FSTL4: variants seen among roughly 807,000 people sequenced by gnomAD.
FSTL4 encodes the protein follistatin-related protein 4.
A neutral mutation model predicts 78.2 loss-of-function variants in FSTL4; 28 were observed. The observed-to-expected ratio is 0.36, with a 90% CI of 0.27 to 0.49. FSTL4 has a LOEUF of 0.49. Ranked by LOEUF, FSTL4 falls within the 20% of genes least tolerant of loss-of-function variation. FSTL4 has a pLI of 0.98. For synonymous variants in FSTL4, 422 were observed against 440.5 expected (o/e 0.96, Z 0.53); for missense variants, 922 against 1,084.9 (o/e 0.85, Z 2.11).
chr5:133,258,272 C>T (rs185332867), intron 6 of FSTL4, among the ~76,000 whole-genome samples: 2 of 152,256 alleles, frequency 1.3e-5, no homozygotes, highest in South Asian at 2.1e-4. Flanking sequence ...CCACAAGGCA[C>T]CCAGATATTT....
the FSTL4 span, among the ~76,000 whole-genome samples, chr5:133,681,777 G>T: frequency 3.9e-5 from 6 of 152,158 alleles, no homozygotes; most frequent in Non-Finnish European, 2.9e-5. Context: ...ATCAGAGCAG[G>T]GTGGGCCTGG....
chr5:133,331,618 T>C (rs1427933457), intron 4 of FSTL4, among the ~76,000 whole-genome samples: 1 of 152,088 alleles, frequency 6.6e-6, no homozygotes, highest in African/African-American at 2.4e-5. Flanking sequence ...TGGCAGGAAA[T>C]GGCATTTCAG....
the FSTL4 span, among the ~76,000 whole-genome samples, chr5:133,829,072 G>C: frequency 6.6e-6 from 1 of 152,166 alleles, no homozygotes; most frequent in African/African-American, 2.4e-5. Flanking sequence ...AATCCTCAGA[G>C]GGATTGCTCA....
the FSTL4 span, among the ~76,000 whole-genome samples, chr5:133,805,028 C>G: frequency 2.0e-4 from 30 of 151,904 alleles, no homozygotes; most frequent in Middle Eastern, 3.4e-3. Flanking sequence ...TGCCACCTCT[C>G]TCTTAGCCCC....
intron 3 of FSTL4, among the ~76,000 whole-genome samples, chr5:133,509,662 C>G (rs1284777986): frequency 6.6e-6 from 1 of 152,258 alleles, no homozygotes; most frequent in East Asian, 1.9e-4. Flanking sequence ...TTCATAACAA[C>G]AGAGTCCTTC....
the FSTL4 span, among the ~76,000 whole-genome samples, chr5:133,812,250 C>T: frequency 6.6e-6 from 1 of 152,238 alleles, no homozygotes. Context: ...GGTCTTCCTG[C>T]TTCCAGACTT....
intron 3 of FSTL4, among the ~76,000 whole-genome samples, chr5:133,463,383 A>T (rs1024291258): frequency 3.3e-5 from 5 of 152,106 alleles, no homozygotes; most frequent in Admixed American, 1.3e-4. Context: ...ACACCAAACT[A>T]AGCCCTCTTG....
chr5:133,656,958 G>C, the FSTL4 span, among the ~76,000 whole-genome samples: 3 of 152,182 alleles, frequency 2.0e-5, no homozygotes, highest in Admixed American at 2.0e-4. Context: ...CTGTTGGTAA[G>C]AATTAATGAT....
intron 6 of FSTL4, among the ~76,000 whole-genome samples, chr5:133,271,895 G>A (rs145311950): frequency 6.6e-6 from 1 of 152,328 alleles, no homozygotes; most frequent in Non-Finnish European, 1.5e-5. Context: ...AGTGGCAGAG[G>A]GAGGGAGGGA....
rs975312957 is a variant in FSTL4 at position 133,440,237 on chromosome 5, C to T, written c.161-39251G>A. On this transcript the variant is annotated intron_variant, in intron 3 of 15. Transcript: ENST00000265342. This position sits in a 1 kb window ranked among gnomAD's most constrained non-coding sequence, Gnocchi z 4.1. Reference sequence around the variant, plus strand: ...GAGGGCCTCAGCGGGCAAGGTGGGCCGCTGACAAGGTGTCTTGACAGGAAC... The same window carrying T: ...GAGGGCCTCAGCGGGCAAGGTGGGCTGCTGACAAGGTGTCTTGACAGGAAC... 1.7e-4 allele frequency among the ~76,000 whole-genome samples: 26 copies of T among 152,190 alleles called. No individual in the cohort carries two copies. The highest frequency in any genetic ancestry group is 6.3e-4 in the African/African-American group (26 of 41,522).
intron 4 of FSTL4, among the ~76,000 whole-genome samples, chr5:133,370,381 T>A (rs1755268672): frequency 6.6e-6 from 1 of 151,846 alleles, no homozygotes; most frequent in Non-Finnish European, 1.5e-5. Flanking sequence ...AAGTGAAGCA[T>A]CTGGATCCTA....
intron 3 of FSTL4, among the ~76,000 whole-genome samples, chr5:133,521,577 G>A (rs2112898395): frequency 6.6e-6 from 1 of 152,212 alleles, no homozygotes; most frequent in South Asian, 2.1e-4. Context: ...TCAAATGAAT[G>A]ATTCCAAAAT....
chr5:133,780,088 C>T, the FSTL4 span, among the ~76,000 whole-genome samples: 1 of 152,146 alleles, frequency 6.6e-6, no homozygotes, highest in Admixed American at 6.5e-5. Flanking sequence ...GGTGCACACC[C>T]ATCAGTCATG....
chr5:133,686,069 T>A, the FSTL4 span, among the ~76,000 whole-genome samples: 2 of 152,206 alleles, frequency 1.3e-5, no homozygotes, highest in South Asian at 2.1e-4. Flanking sequence ...GACTCTGTTC[T>A]GGGATTTTTG....
intron 14 of FSTL4, 119 bp downstream of exon 14, chr5:133,210,072 T>G: frequency 1.6e-6 from 1 of 623,796 alleles, no homozygotes; most frequent in South Asian, 2.0e-5. Flanking sequence ...TGAGCCTTTA[T>G]GGATATATTT....
chr5:133,667,966 A>T, the FSTL4 span, among the ~76,000 whole-genome samples: 1 of 152,200 alleles, frequency 6.6e-6, no homozygotes, highest in Non-Finnish European at 1.5e-5. Context: ...TGTTTGGCTA[A>T]ATTAGGGACT....
chr5:133,238,308 G>A (rs1253807484), intron 7 of FSTL4, among the ~76,000 whole-genome samples: 2 of 152,150 alleles, frequency 1.3e-5, no homozygotes, highest in South Asian at 2.1e-4. Context: ...GAGCACCCCT[G>A]GTTCTCTTTG....
intron 8 of FSTL4, 108 bp downstream of exon 8, chr5:133,233,309 G>A: frequency 8.2e-7 from 1 of 1,218,614 alleles, no homozygotes; most frequent in Non-Finnish European, 1.2e-6. Flanking sequence ...ATATTTTGGG[G>A]TTAGATATTT....
chr5:133,543,799 A>C (rs1288075183), intron 3 of FSTL4, among the ~76,000 whole-genome samples: 1 of 151,994 alleles, frequency 6.6e-6, no homozygotes, highest in Non-Finnish European at 1.5e-5. Flanking sequence ...CTTGAATTTA[A>C]AGCTAATATT....
Sources: gnomAD v4.1 joint callset for allele counts (sites outside exome capture counted in the v4.1 genomes callset) on GRCh38, gnomAD v4.1.1 for gene constraint, Gnocchi (gnomAD v3.1) non-coding constraint, MANE v1.5 for transcripts, NCBI Gene and HGNC (gene_info 2026-07-23, HGNC 2026-07-21) for gene names.